MMP16: variants seen among roughly 807,000 people sequenced by gnomAD.
MMP16 encodes the protein matrix metallopeptidase 16, also known as matrix metalloproteinase-16.
MMP16 carries 12 observed loss-of-function variants against 67.8 expected under a neutral mutation model. The observed-to-expected ratio is 0.18, with a 90% CI of 0.11 to 0.29. The LOEUF (loss-of-function observed/expected upper bound fraction) is 0.29, where lower values mean the gene tolerates loss of function less well. Ranked by LOEUF, MMP16 falls within the 10% of genes least tolerant of loss-of-function variation. The probability of loss-of-function intolerance (pLI) is 1.00; values close to 1 mark genes in which losing one functional copy is unlikely to be tolerated. For synonymous variants in MMP16, 249 were observed against 255.9 expected (o/e 0.97, Z 0.26); for missense variants, 475 against 765.7 (o/e 0.62, Z 4.48).
At chr8:88,160,440 AAAAC>A (rs1306525974) in intron 4 of MMP16, among the ~76,000 whole-genome samples, 5 of 151,958 alleles carry the variant, frequency 3.3e-5, no homozygotes, top group East Asian at 1.9e-4. Flanking sequence ...TTACAAGAAA[AAAAC>A]AAACAACCCC....
intron 1 of MMP16, among the ~76,000 whole-genome samples, chr8:88,259,487 C>G (rs1810354041): frequency 6.6e-6 from 1 of 151,888 alleles, no homozygotes; most frequent in Non-Finnish European, 1.5e-5. Context: ...AAAATAGCAA[C>G]AGTACTTTGG....
chr8:88,257,003 C>T (rs1810314075), intron 1 of MMP16, among the ~76,000 whole-genome samples: 1 of 152,152 alleles, frequency 6.6e-6, no homozygotes, highest in Non-Finnish European at 1.5e-5. Context: ...GCTCTCCATA[C>T]AATAATGTCT....
intron 3 of MMP16, among the ~76,000 whole-genome samples, chr8:88,182,153 G>A (rs1808990998): frequency 6.6e-6 from 1 of 152,016 alleles, no homozygotes; most frequent in Non-Finnish European, 1.5e-5. Context: ...AAAATGCTAA[G>A]TTGGACATTA....
chr8:88,126,723 G>T (rs914872176), intron 4 of MMP16, among the ~76,000 whole-genome samples: 1 of 151,668 alleles, frequency 6.6e-6, no homozygotes. Context: ...AAGACATACC[G>T]TATTTAAAGT....
At chr8:88,135,207 A>G (rs755205161) in intron 4 of MMP16, among the ~76,000 whole-genome samples, 4 of 151,812 alleles carry the variant, frequency 2.6e-5, no homozygotes, top group African/African-American at 7.2e-5. Flanking sequence ...GATTAAGTAC[A>G]TTGACCTGAC....
In MMP16 at chr8:88,247,677, T is replaced by C. The variant is rs182178448; in HGVS notation, c.133-50371A>G. Among the ~76,000 whole-genome samples the C allele has an allele frequency of 7.8e-4, 118 of 152,206 alleles. 1 individual carries two copies. Among genetic ancestry groups the C allele is most frequent in the African/African-American group, 2.5e-3 (102 of 41,542 alleles). On this transcript the variant is annotated intron_variant, in intron 1 of 9. Coordinates refer to ENST00000286614, the MANE Select transcript of MMP16 (RefSeq NM_005941.5). ...AGGAAAACCCTGGAACAATTTTAGG[T>C]GGAGCAGTCCAGAGAAAAGTCATGA...
intron 1 of MMP16, among the ~76,000 whole-genome samples, chr8:88,324,802 C>G (rs1811512642): frequency 6.6e-6 from 1 of 151,962 alleles, no homozygotes; most frequent in African/African-American, 2.4e-5. Context: ...TGTCAGAAAA[C>G]ATCCCGTCAT....
At chr8:88,082,910 C>A (rs941236093) in intron 6 of MMP16, among the ~76,000 whole-genome samples, 1 of 151,444 alleles carries the variant, frequency 6.6e-6, no homozygotes, top group Non-Finnish European at 1.5e-5. Context: ...GGAAACATAC[C>A]CACATGGAGA....
At chr8:88,234,327 T>C (rs1809907806) in intron 1 of MMP16, among the ~76,000 whole-genome samples, 1 of 152,200 alleles carries the variant, frequency 6.6e-6, no homozygotes, top group African/African-American at 2.4e-5. Flanking sequence ...AACTAAAATG[T>C]GGTATTACTG....
At chr8:88,255,472 A>G (rs1479187851) in intron 1 of MMP16, among the ~76,000 whole-genome samples, 1 of 152,086 alleles carries the variant, frequency 6.6e-6, no homozygotes, top group African/African-American at 2.4e-5. Flanking sequence ...CACACATACA[A>G]ACTCGAAGAC....
intron 1 of MMP16, among the ~76,000 whole-genome samples, chr8:88,268,881 G>A (rs1321121007): frequency 6.6e-6 from 1 of 151,744 alleles, no homozygotes; most frequent in Non-Finnish European, 1.5e-5. Flanking sequence ...TTCCCAGTGT[G>A]TTTGTTGCCT....
intron 1 of MMP16, among the ~76,000 whole-genome samples, chr8:88,211,148 A>G (rs1373991351): frequency 7.0e-6 from 1 of 142,792 alleles, no homozygotes; most frequent in Non-Finnish European, 1.6e-5. Context: ...ACATAAGATT[A>G]AGGATGATCT....
intron 3 of MMP16, among the ~76,000 whole-genome samples, chr8:88,175,781 C>T (rs577212400): frequency 2.2e-4 from 33 of 152,170 alleles, no homozygotes; most frequent in Middle Eastern, 3.4e-3. Context: ...GGAGGGACTC[C>T]GTGGGAGGTA....
chr8:88,193,299 G>A (rs189390709), intron 2 of MMP16, among the ~76,000 whole-genome samples: 20 of 152,234 alleles, frequency 1.3e-4, no homozygotes, highest in African/African-American at 4.8e-4. Context: ...AAATAGGTCA[G>A]GCACAAAAAG....
At chr8:88,171,470 C>T (rs776760345) in intron 3 of MMP16, among the ~76,000 whole-genome samples, 2 of 152,102 alleles carry the variant, frequency 1.3e-5, no homozygotes, top group African/African-American at 2.4e-5. Flanking sequence ...GGTTGAAAAA[C>T]GTGAGCTGAA....
At chr8:88,160,104 A>C (rs1012041435) in intron 4 of MMP16, among the ~76,000 whole-genome samples, 7 of 151,940 alleles carry the variant, frequency 4.6e-5, no homozygotes, top group African/African-American at 1.7e-4. Flanking sequence ...TATATCTCCT[A>C]ATGCTATCCC....
At chr8:88,130,360 C>CTTGCAAAAGGATATGATGTAACCT (rs1808007461) in intron 4 of MMP16, among the ~76,000 whole-genome samples, 1 of 151,736 alleles carries the variant, frequency 6.6e-6, no homozygotes, top group Non-Finnish European at 1.5e-5. Context: ...ATTTCAGCAT[C>CTTGCAAAAGGATATGATGTAACCT]TTGCAAAAGG....
In MMP16 at chr8:88,308,801, T is replaced by C. The variant is rs534504407; in HGVS notation, c.132+18274A>G. Among the ~76,000 whole-genome samples the C allele has an allele frequency of 9.9e-5, 15 of 151,970 alleles. No individual in the cohort carries two copies. The East Asian group carries it at 2.9e-3, about 29-fold the overall frequency. On this transcript the variant is annotated intron_variant, in intron 1 of 9. Transcript: ENST00000286614. ...AAAAAACATTAACAAAATCAAAACA[T>C]CAACAAATTCATTTTATGACAGAAC...
intron 3 of MMP16, 132 bp downstream of exon 3, chr8:88,186,344 A>C (rs1462852796): frequency 6.7e-6 from 8 of 1,191,512 alleles, no homozygotes; most frequent in Non-Finnish European, 9.4e-6. Flanking sequence ...TAGCAATTTT[A>C]AATCTCTTAT....
Sources: gnomAD v4.1 joint callset for allele counts (sites outside exome capture counted in the v4.1 genomes callset) on GRCh38, gnomAD v4.1.1 for gene constraint, MANE v1.5 for transcripts, NCBI Gene and HGNC (gene_info 2026-07-23, HGNC 2026-07-21) for gene names.